XXYLT1: variants seen among roughly 807,000 people sequenced by gnomAD.
XXYLT1 encodes the protein UDP-xylose:alpha-xyloside alpha-1,3-xylosyltransferase.
XXYLT1 carries 20 observed loss-of-function variants against 28.9 expected under a neutral mutation model. The observed-to-expected ratio is 0.69, with a 90% CI of 0.49 to 1.00. The LOEUF is 1.00. Ranked by LOEUF, XXYLT1 falls within the 50% of genes least tolerant of loss-of-function variation. The pLI is 0.00. For missense variants in XXYLT1, 542 were observed against 560.1 expected, an observed-to-expected ratio of 0.97 and a Z score of 0.33; for synonymous variants, 257 against 253.8, an observed-to-expected ratio of 1.01 and a Z score of -0.12.
chr3:195,116,778 T>G (rs552921033), intron 3 of XXYLT1, among the ~76,000 whole-genome samples: 1 of 152,206 alleles, frequency 6.6e-6, no homozygotes, highest in South Asian at 2.1e-4. Context: ...GGAAACACAC[T>G]TGCTTGCCTG....
At chr3:195,166,645 C>T (rs1721135252) in intron 2 of XXYLT1, among the ~76,000 whole-genome samples, 1 of 152,026 alleles carries the variant, frequency 6.6e-6, no homozygotes, top group African/African-American at 2.4e-5. Context: ...TTTTCCAGGA[C>T]TTAGGACAAT....
At chr3:195,203,264 G>A (rs1722932282) in intron 2 of XXYLT1, among the ~76,000 whole-genome samples, 1 of 152,078 alleles carries the variant, frequency 6.6e-6, no homozygotes, top group African/African-American at 2.4e-5. Context: ...ATAGAAAAAT[G>A]GGCTAAGGGC....
At chr3:195,177,163 C>T (rs73063129) in intron 2 of XXYLT1, among the ~76,000 whole-genome samples, 2,817 of 152,340 alleles carry the variant, frequency 0.018, 86 homozygotes, top group African/African-American at 0.062. Context: ...TGCAGAATCA[C>T]CTGCTCCCTT....
intron 2 of XXYLT1, among the ~76,000 whole-genome samples, chr3:195,184,158 G>A (rs1363150074): frequency 1.3e-5 from 2 of 152,210 alleles, no homozygotes; most frequent in African/African-American, 4.8e-5. Flanking sequence ...ATACACAGGT[G>A]GGCCCTGCAC....
chr3:195,162,387 G>A (rs549521086), intron 2 of XXYLT1, among the ~76,000 whole-genome samples: 1 of 152,198 alleles, frequency 6.6e-6, no homozygotes, highest in East Asian at 1.9e-4. Context: ...TGGTCGGGGG[G>A]AGAAAGGAAA....
At chr3:195,131,937 T>A (rs1718927357) in intron 3 of XXYLT1, among the ~76,000 whole-genome samples, 1 of 152,172 alleles carries the variant, frequency 6.6e-6, no homozygotes, top group South Asian at 2.1e-4. Flanking sequence ...GGTTTGCCAA[T>A]GAAGACAGAA....
At chr3:195,140,602 GA>G (rs1719432837) in intron 3 of XXYLT1, among the ~76,000 whole-genome samples, 1 of 152,278 alleles carries the variant, frequency 6.6e-6, no homozygotes, top group East Asian at 1.9e-4. Flanking sequence ...AGGTGTAGGG[GA>G]AGCAAGCACA....
At chr3:195,109,099 A>C (rs933072283) in intron 3 of XXYLT1, among the ~76,000 whole-genome samples, 4 of 152,164 alleles carry the variant, frequency 2.6e-5, no homozygotes, top group Non-Finnish European at 5.9e-5. Flanking sequence ...CAGGACTGTT[A>C]ATCACCCAGT....
intron 3 of XXYLT1, among the ~76,000 whole-genome samples, chr3:195,132,481 G>C (rs1416201499): frequency 1.3e-5 from 2 of 150,950 alleles, no homozygotes; most frequent in African/African-American, 4.9e-5. Flanking sequence ...AAAAAAAAAA[G>C]AAAGAAAATA....
rs1238160935 is a variant in XXYLT1 at position 195,077,995 on chromosome 3, C to T, written c.786-7884G>A. Among the ~76,000 whole-genome samples, 6 of 152,106 alleles carry T rather than the reference C, an allele frequency of 3.9e-5. No individual in the cohort carries two copies. Among genetic ancestry groups the T allele is most frequent in the South Asian group, 2.1e-4 (1 of 4,830 alleles). On this transcript the variant is annotated intron_variant, in intron 3 of 3. Transcript: ENST00000310380. This position sits in a 1 kb window ranked among gnomAD's most constrained non-coding sequence, Gnocchi z 4.8. ...ACCCTCACTCAGTCACATGCAGCCC[C>T]GGAGCCTCGGCCCTGGGAGGGGCAA...
chr3:195,101,008 T>C (rs1438100869), intron 3 of XXYLT1, among the ~76,000 whole-genome samples: 1 of 152,266 alleles, frequency 6.6e-6, no homozygotes, highest in Non-Finnish European at 1.5e-5. Context: ...AAGACAGCTA[T>C]AGGTTCCACA....
chr3:195,226,500 C>A (rs189968521), intron 2 of XXYLT1, among the ~76,000 whole-genome samples: 1 of 152,020 alleles, frequency 6.6e-6, no homozygotes, highest in Non-Finnish European at 1.5e-5. Context: ...CATAAATGGA[C>A]CCCGGGAGCT....
At chr3:195,219,120 T>G (rs1408105750) in intron 2 of XXYLT1, among the ~76,000 whole-genome samples, 1 of 145,974 alleles carries the variant, frequency 6.9e-6, no homozygotes, top group African/African-American at 2.6e-5. Flanking sequence ...AACAATGAGA[T>G]CACATGGACA....
At chr3:195,193,549 T>C (rs1026726457) in intron 2 of XXYLT1, among the ~76,000 whole-genome samples, 2 of 152,172 alleles carry the variant, frequency 1.3e-5, no homozygotes, top group Non-Finnish European at 2.9e-5. Flanking sequence ...GATCCTAAAA[T>C]GTATATGGAA....
intron 2 of XXYLT1, among the ~76,000 whole-genome samples, chr3:195,160,571 T>C (rs75998447): frequency 0.079 from 11,983 of 152,308 alleles, 696 homozygotes; most frequent in East Asian, 0.27. Flanking sequence ...ATATGCCACC[T>C]GCCTTATCAT....
chr3:195,140,395 A>G (rs10433329), intron 3 of XXYLT1, among the ~76,000 whole-genome samples: 24,604 of 152,070 alleles, frequency 0.16, 2,532 homozygotes, highest in African/African-American at 0.29. Flanking sequence ...AGGCACCCTT[A>G]CTGTTATGGA....
intron 1 of XXYLT1, among the ~76,000 whole-genome samples, chr3:195,227,950 C>T (rs1220236060): frequency 6.6e-6 from 1 of 152,186 alleles, no homozygotes; most frequent in Admixed American, 6.5e-5. Flanking sequence ...ACCAGATGAC[C>T]ATGTACTGGT....
intron 3 of XXYLT1, among the ~76,000 whole-genome samples, chr3:195,146,221 G>A (rs1429064319): frequency 1.3e-5 from 2 of 152,210 alleles, no homozygotes; most frequent in Non-Finnish European, 2.9e-5. Flanking sequence ...CTTTCCACAC[G>A]TGGTTTGTTA....
chr3:195,076,667 CTCTG>C lies in XXYLT1; in HGVS notation c.786-6560_786-6557del, dbSNP rs757168746. 5.1e-4 allele frequency among the ~76,000 whole-genome samples: 78 copies of C among 152,314 alleles called. No individual in the cohort carries two copies. Among genetic ancestry groups the C allele is most frequent in the Admixed American group, 1.8e-3 (28 of 15,298 alleles). On this transcript the variant is annotated intron_variant, in intron 3 of 3. Transcript: ENST00000310380. The surrounding 1 kb of genome is among the most constrained non-coding windows in gnomAD (Gnocchi z 5.3). ...CCAAGATCACAGTGCTGGCAGCTGG[CTCTG>C]TCTGGGCTAGGAGGGAGGGTCTGTT...
Sources: gnomAD v4.1 joint callset for allele counts (sites outside exome capture counted in the v4.1 genomes callset) on GRCh38, gnomAD v4.1.1 for gene constraint, Gnocchi (gnomAD v3.1) non-coding constraint, MANE v1.5 for transcripts, NCBI Gene and HGNC (gene_info 2026-07-23, HGNC 2026-07-21) for gene names.